Variants in SPINT2 observed in about 807,000 individuals in gnomAD.
SPINT2 encodes the protein kunitz-type protease inhibitor 2.
A neutral mutation model predicts 30.1 loss-of-function variants in SPINT2; 18 were observed. That is an observed-to-expected ratio of 0.60 (90% CI 0.41 to 0.89). SPINT2 has a LOEUF of 0.89. Among genes scored for constraint, SPINT2 ranks in the 40% least tolerant of loss-of-function variants. The probability of loss-of-function intolerance (pLI) is 0.00; values close to 1 mark genes in which losing one functional copy is unlikely to be tolerated. For synonymous variants in SPINT2, 139 were observed against 137.9 expected (o/e 1.01, Z -0.05); for missense variants, 276 against 334.3 (o/e 0.83, Z 1.36).
chr19:38,281,981 T>C (rs78615203), intron 1 of SPINT2, among the ~76,000 whole-genome samples: 1,755 of 152,262 alleles, frequency 0.012, 42 homozygotes, highest in African/African-American at 0.041. Context: ...CTCTAACGGG[T>C]GACTTTTCAT....
In SPINT2 at chr19:38,291,976, G is replaced by T. The variant is rs199831478; in HGVS notation, c.729G>T (p.Glu243Asp). The part of the protein sequence containing the change: ...RTVWSSGDDK[E>D]QLVKNTYVL ...TCTGGAGCTCCGGAGATGACAAGGA[G>T]CAGCTGGTGAAGAACACATATGTCC... The change falls in exon 7 of 7, where the codon GAG (glutamate) becomes GAT (aspartate). Residue 243 changes from glutamate (E) to aspartate (D), a missense_variant. Coordinates refer to ENST00000301244, the MANE Select transcript of SPINT2 (RefSeq NM_021102.4). 1 of 1,614,174 alleles carries T rather than the reference G, an allele frequency of 6.2e-7. No homozygotes were observed. Among genetic ancestry groups the T allele is most frequent in the African/African-American group, 1.3e-5 (1 of 75,058 alleles).
intron 2 of SPINT2, among the ~76,000 whole-genome samples, chr19:38,286,636 A>G (rs1348559151): frequency 1.3e-5 from 2 of 152,126 alleles, no homozygotes; most frequent in African/African-American, 4.8e-5. Flanking sequence ...AAAAAAAATT[A>G]GCCGGGCCTG....
chr19:38,290,623 TC>T lies in SPINT2; in HGVS notation c.592+50del. ...CCTGCCATCAGCCTGCCTCCTCCCT[TC>T]CTTGACTGAGCTCAGCCCTGCCCAG... On this transcript the variant is annotated intron_variant, in intron 6 of 6. Transcript: ENST00000301244. This position sits in a 1 kb window ranked among gnomAD's most constrained non-coding sequence, Gnocchi z 4.3. 1 of 1,604,464 alleles carries T rather than the reference TC, an allele frequency of 6.2e-7. No homozygotes were observed. Among genetic ancestry groups the T allele is most frequent in the Non-Finnish European group, 8.5e-7 (1 of 1,175,284 alleles).
chr19:38,285,366 T>G (rs1402360073), intron 2 of SPINT2, among the ~76,000 whole-genome samples: 1 of 152,120 alleles, frequency 6.6e-6, no homozygotes, highest in Non-Finnish European at 1.5e-5. Context: ...TTTTTTCTTT[T>G]TTTCTCGCTT....
chr19:38,289,126 T>A lies in SPINT2; in HGVS notation c.338-12T>A. The A allele has an allele frequency of 1.9e-6, 3 of 1,613,408 alleles. No homozygotes were observed. Among genetic ancestry groups the A allele is most frequent in the Non-Finnish European group, 2.5e-6 (3 of 1,179,620 alleles). On this transcript the variant is annotated splice_polypyrimidine_tract_variant and intron_variant, in intron 3 of 6. Coordinates refer to ENST00000301244, the MANE Select transcript of SPINT2 (RefSeq NM_021102.4). ...CGGCCCAGCCTCCCTAACACAGATGTTTGTGTTTCAGCTCCCAGAAGGCAG... is the reference window on the plus strand; with the variant it reads ...CGGCCCAGCCTCCCTAACACAGATGATTGTGTTTCAGCTCCCAGAAGGCAG...
intron 2 of SPINT2, among the ~76,000 whole-genome samples, chr19:38,287,292 G>A (rs567706420): frequency 2.5e-4 from 38 of 152,236 alleles, no homozygotes; most frequent in African/African-American, 4.3e-4. Flanking sequence ...TCCGCCTCCC[G>A]AGTTCAAGCA....
intron 1 of SPINT2, among the ~76,000 whole-genome samples, chr19:38,268,302 A>G (rs3786874): frequency 0.059 from 8,931 of 152,180 alleles, 292 homozygotes; most frequent in East Asian, 0.098. Context: ...AGCTTATGCC[A>G]GGTGAGAAAG....
In SPINT2 at chr19:38,292,108, G is replaced by C; in HGVS notation, c.*102G>C. 1.3e-6 allele frequency: 2 copies of C among 1,497,278 alleles called. No individual in the cohort carries two copies. The highest frequency in any genetic ancestry group is 1.8e-6 in the Non-Finnish European group (2 of 1,106,328). 92.7% of individuals were successfully genotyped at this position (1,497,278 alleles called of 1,614,324 possible). Reference sequence around the variant, plus strand: ...GGATTTGAGTGATCATTAGGGCTGAGGTCTGTTTCTCTGGGAGGTAGGACG... The same window carrying C: ...GGATTTGAGTGATCATTAGGGCTGACGTCTGTTTCTCTGGGAGGTAGGACG... On this transcript the variant is annotated 3_prime_UTR_variant, in exon 7 of 7. Transcript: ENST00000301244.
intron 1 of SPINT2, 39 bp downstream of exon 1, chr19:38,265,037 G>A (rs1968361442): frequency 1.3e-6 from 2 of 1,504,784 alleles, no homozygotes; most frequent in African/African-American, 1.4e-5. Context: ...GGGGCGCAGG[G>A]GGCAGAGGCT....
intron 2 of SPINT2, 47 bp downstream of exon 2, chr19:38,283,844 T>A: frequency 3.6e-6 from 5 of 1,405,024 alleles, no homozygotes; most frequent in Non-Finnish European, 3.8e-6. Context: ...TTTTTTTTTT[T>A]TTTTTTTTTT....
chr19:38,288,906 T>A, intron 3 of SPINT2: 1 of 551,756 alleles, frequency 1.8e-6, no homozygotes, highest in Non-Finnish European at 3.3e-6. Context: ...GCAGGCTTGG[T>A]TTCTATAGGA....
At chr19:38,272,643 GTCTTGTT>G (rs2146267787) in intron 1 of SPINT2, among the ~76,000 whole-genome samples, 1 of 152,318 alleles carries the variant, frequency 6.6e-6, no homozygotes, top group South Asian at 2.1e-4. Flanking sequence ...AGACTTAATA[GTCTTGTT>G]TCAGAGTGGA....
chr19:38,285,535 G>A (rs1968630706), intron 2 of SPINT2, among the ~76,000 whole-genome samples: 1 of 152,016 alleles, frequency 6.6e-6, no homozygotes, highest in Non-Finnish European at 1.5e-5. Context: ...GGTGAAGATG[G>A]AGTTTCACCA....
chr19:38,283,841 T>A, intron 2 of SPINT2, 44 bp downstream of exon 2: 1 of 882,778 alleles, frequency 1.1e-6, no homozygotes, highest in Non-Finnish European at 1.5e-6. Context: ...TCCTTTTTTT[T>A]TTTTTTTTTT....
At chr19:38,279,041 G>A (rs969912758) in intron 1 of SPINT2, among the ~76,000 whole-genome samples, 3 of 152,082 alleles carry the variant, frequency 2.0e-5, no homozygotes, top group South Asian at 2.1e-4. Flanking sequence ...AAGATGAGAC[G>A]ATTTGTCTTC....
At chr19:38,278,767 A>G (rs937862529) in intron 1 of SPINT2, among the ~76,000 whole-genome samples, 8 of 152,146 alleles carry the variant, frequency 5.3e-5, no homozygotes, top group African/African-American at 1.9e-4. Context: ...ATGCCACTGT[A>G]CTCCAGCCTG....
chr19:38,284,388 C>T (rs1182064257), intron 2 of SPINT2, among the ~76,000 whole-genome samples: 4 of 152,224 alleles, frequency 2.6e-5, no homozygotes, highest in Non-Finnish European at 4.4e-5. Flanking sequence ...AGCCACTGTG[C>T]CCAGCCAGAT....
At chr19:38,265,925 C>T (rs1350645714) in intron 1 of SPINT2, among the ~76,000 whole-genome samples, 1 of 152,178 alleles carries the variant, frequency 6.6e-6, no homozygotes, top group East Asian at 1.9e-4. Context: ...TTAAAAAGCA[C>T]TTGCCATGAG....
chr19:38,280,688 T>A (rs1452941188), intron 1 of SPINT2, among the ~76,000 whole-genome samples: 1 of 152,130 alleles, frequency 6.6e-6, no homozygotes, highest in Non-Finnish European at 1.5e-5. Context: ...CCTGGCACCC[T>A]TACTTACGAA....
Sources: gnomAD v4.1 joint callset for allele counts (sites outside exome capture counted in the v4.1 genomes callset) on GRCh38, gnomAD v4.1.1 for gene constraint, Gnocchi (gnomAD v3.1) non-coding constraint, MANE v1.5 for transcripts, NCBI Gene and HGNC (gene_info 2026-07-23, HGNC 2026-07-21) for gene names.